Variants in ZNF761 observed in about 807,000 individuals in gnomAD.
ZNF761 encodes the protein zinc finger protein 761.
In ZNF761, 43 loss-of-function variants were observed where a neutral mutation model predicts 59.9. That is an observed-to-expected ratio of 0.72 (90% CI 0.56 to 0.92). ZNF761 has a LOEUF of 0.92. Ranked by LOEUF, ZNF761 falls within the 40% of genes least tolerant of loss-of-function variation. ZNF761 has a pLI of 0.00. For missense variants in ZNF761, 850 were observed against 906.1 expected (o/e 0.94, Z 0.79); for synonymous variants, 294 against 304.8 (o/e 0.96, Z 0.37).
Position 53,453,692 on chromosome 19 carries a change from G to C in ZNF761, c.143-958G>C, listed in dbSNP as rs117875768. Among the ~76,000 whole-genome samples the C allele has an allele frequency of 2.0e-3, 300 of 152,056 alleles. 2 individuals are homozygous for C. Among genetic ancestry groups the C allele is most frequent in the African/African-American group, 6.9e-3 (285 of 41,488 alleles). ...AAAGTACGAGGCTGGCCTGGCCAACGTGTTGAAACCCTATTTCTACTAAAA... is the reference window on the plus strand; with the variant it reads ...AAAGTACGAGGCTGGCCTGGCCAACCTGTTGAAACCCTATTTCTACTAAAA... On this transcript the variant is annotated intron_variant, in intron 4 of 4. Coordinates refer to ENST00000684525, the MANE Select transcript of ZNF761 (RefSeq NM_001289951.2).
chr19:53,455,982 A>G lies in ZNF761; in HGVS notation c.1475A>G (p.Lys492Arg), dbSNP rs2086265811. ...CATAGGAGAATTCATACTGGAGAGA[A>G]ACCATACAAGTGTAATGAGTGTGGC... ...ERHRRIHTGE[K>R]PYKCNECGKT... The change falls in exon 5 of 5, where the codon AAA becomes AGA. Residue 492 changes from lysine to arginine, a missense_variant. By Grantham distance (26) the Lys-to-Arg change is conservative (BLOSUM62 2). Coordinates refer to ENST00000684525, the MANE Select transcript of ZNF761 (RefSeq NM_001289951.2). The G allele has an allele frequency of 6.2e-7, 1 of 1,613,928 alleles. No homozygotes were observed.
intron 4 of ZNF761, among the ~76,000 whole-genome samples, chr19:53,453,711 A>G (rs1464372652): frequency 6.6e-6 from 1 of 151,990 alleles, no homozygotes; most frequent in Non-Finnish European, 1.5e-5. Flanking sequence ...CCCTATTTCT[A>G]CTAAAAATAC....
chr19:53,451,797 C>T (rs2147140273), intron 4 of ZNF761, among the ~76,000 whole-genome samples: 1 of 150,070 alleles, frequency 6.7e-6, no homozygotes, highest in Middle Eastern at 3.5e-3. Flanking sequence ...CCGTGTGAAC[C>T]AGGATGGTCT....
At chr19:53,440,357 G>T (rs141386349) in intron 1 of ZNF761, among the ~76,000 whole-genome samples, 38 of 152,190 alleles carry the variant, frequency 2.5e-4, no homozygotes, top group African/African-American at 7.2e-4. Context: ...GGGGACTTTG[G>T]GTTCAGATGA....
At chr19:53,450,985 T>G (rs2086216889) in intron 4 of ZNF761, among the ~76,000 whole-genome samples, 1 of 140,174 alleles carries the variant, frequency 7.1e-6, no homozygotes. Context: ...AGCACGAGAC[T>G]CTGTCTCAAA....
chr19:53,456,757 G>A lies in ZNF761; in HGVS notation c.*9G>A, dbSNP rs1255943999. Reference sequence around the variant, plus strand: ...GAGAAAAACAAGTGTAATGAATGTGGTGAGGTTTTTAATCAACAAGCACAC... The same window carrying A: ...GAGAAAAACAAGTGTAATGAATGTGATGAGGTTTTTAATCAACAAGCACAC... On this transcript the variant is annotated 3_prime_UTR_variant, in exon 5 of 5. Transcript: ENST00000684525. 5 of 1,612,876 alleles carry A rather than the reference G, an allele frequency of 3.1e-6. No homozygotes were observed. Among genetic ancestry groups the A allele is most frequent in the East Asian group, 2.2e-5 (1 of 44,868 alleles).
chr19:53,455,842 G>T lies in ZNF761; in HGVS notation c.1335G>T (p.Lys445Asn), dbSNP rs1419269100. Reference protein sequence around the residue: ...DNAYKCNECGKTFSRTSSLTC... With the variant: ...DNAYKCNECGNTFSRTSSLTC... ...CTTACAAGTGTAATGAGTGTGGAAA[G>T]ACCTTTAGCCGGACATCATCCCTTA... The change falls in exon 5 of 5, where the codon AAG becomes AAT. Residue 445 changes from lysine (K) to asparagine (N), a missense_variant. By Grantham distance (94) the Lys-to-Asn change is moderately conservative (BLOSUM62 0). Coordinates refer to ENST00000684525, the MANE Select transcript of ZNF761 (RefSeq NM_001289951.2). 1 of 1,613,806 alleles carries T rather than the reference G, an allele frequency of 6.2e-7. No individual in the cohort carries two copies. The highest frequency in any genetic ancestry group is 1.7e-5 in the Admixed American group (1 of 60,016).
chr19:53,433,596 C>G (rs2086001840), intron 1 of ZNF761, among the ~76,000 whole-genome samples: 1 of 152,112 alleles, frequency 6.6e-6, no homozygotes, highest in South Asian at 2.1e-4. Flanking sequence ...CCCTTAGATG[C>G]CTTTTATGAA....
Position 53,454,850 on chromosome 19 carries a change from A to G in ZNF761, c.343A>G (p.Lys115Glu), listed in dbSNP as rs141985937. ...AAATGGCCATGAAGCACCCATGACAAAAATCAAAAAGTTGACAGGTATTAC... is the reference window on the plus strand; with the variant it reads ...AAATGGCCATGAAGCACCCATGACAGAAATCAAAAAGTTGACAGGTATTAC... ...ERNGHEAPMT[K>E]IKKLTGITER... is the part of the protein sequence containing the mutation. The change falls in exon 5 of 5, where the codon AAA becomes GAA. Residue 115 changes from lysine (K) to glutamate (E), a missense_variant. By Grantham distance (56) the Lys-to-Glu change is moderately conservative. Transcript: ENST00000684525. The G allele has an allele frequency of 2.4e-4, 392 of 1,614,218 alleles. 1 individual carries two copies. The African/African-American group carries it at 4.2e-3, about 17-fold the overall frequency.
Position 53,456,928 on chromosome 19 carries a change from G to A in ZNF761, c.*180G>A. ...TTATAAATGTGAAGAATGTCACAAAGTTTACAGTCGCACATCAAACCGTGA... is the reference window on the plus strand; with the variant it reads ...TTATAAATGTGAAGAATGTCACAAAATTTACAGTCGCACATCAAACCGTGA... On this transcript the variant is annotated 3_prime_UTR_variant, in exon 5 of 5. Coordinates refer to ENST00000684525, the MANE Select transcript of ZNF761 (RefSeq NM_001289951.2). The A allele has an allele frequency of 1.3e-6, 1 of 787,992 alleles. No homozygotes were observed. Among genetic ancestry groups the A allele is most frequent in the Non-Finnish European group, 2.1e-6 (1 of 479,296 alleles). 48.8% of individuals were successfully genotyped at this position (787,992 alleles called of 1,614,324 possible).
At chr19:53,448,723 C>G (rs548275161) in intron 3 of ZNF761, among the ~76,000 whole-genome samples, 84 of 152,128 alleles carry the variant, frequency 5.5e-4, no homozygotes, top group African/African-American at 1.9e-3. Flanking sequence ...ATCCTCCTAC[C>G]TCAGGCTCCC....
intron 4 of ZNF761, 180 bp downstream of exon 4, chr19:53,449,818 T>C: frequency 7.2e-7 from 1 of 1,395,568 alleles, no homozygotes; most frequent in Non-Finnish European, 9.6e-7. Flanking sequence ...CCTCCCCCGG[T>C]AGCTGGTACA....
intron 1 of ZNF761, among the ~76,000 whole-genome samples, chr19:53,445,825 C>G (rs1407854537): frequency 6.6e-6 from 1 of 152,180 alleles, no homozygotes; most frequent in Non-Finnish European, 1.5e-5. Flanking sequence ...CAGTCCCTGG[C>G]AGGGAACCCT....
intron 1 of ZNF761, among the ~76,000 whole-genome samples, chr19:53,445,608 C>T (rs113276197): frequency 0.2 from 30,355 of 151,804 alleles, 3,448 homozygotes; most frequent in Non-Finnish European, 0.26. Flanking sequence ...CATGTCTTGG[C>T]GTGGCCTTTC....
intron 4 of ZNF761, among the ~76,000 whole-genome samples, chr19:53,450,646 C>T (rs1310933971): frequency 6.6e-6 from 1 of 152,046 alleles, no homozygotes; most frequent in Non-Finnish European, 1.5e-5. Flanking sequence ...ACTCTGTCGC[C>T]AAGGCTACAG....
intron 1 of ZNF761, chr19:53,443,937 G>A (rs1364971888): frequency 8.5e-5 from 13 of 152,872 alleles, no homozygotes; most frequent in Non-Finnish European, 1.5e-4. Flanking sequence ...AACGTACTGT[G>A]TTGATTCAAG....
chr19:53,445,398 C>T (rs2086145990), intron 1 of ZNF761: 2 of 152,144 alleles, frequency 1.3e-5, no homozygotes, highest in South Asian at 4.1e-4. Flanking sequence ...AAGACCAAGC[C>T]TTCCCATTAG....
chr19:53,435,821 A>G (rs2086036273), intron 1 of ZNF761, among the ~76,000 whole-genome samples: 1 of 152,084 alleles, frequency 6.6e-6, no homozygotes, highest in Non-Finnish European at 1.5e-5. Flanking sequence ...TGCCTGGCAG[A>G]GGAGGTTGAG....
intron 1 of ZNF761, among the ~76,000 whole-genome samples, chr19:53,445,478 T>C (rs879614566): frequency 4.3e-5 from 5 of 114,984 alleles, no homozygotes; most frequent in African/African-American, 1.4e-4. Context: ...CAGGGTAACT[T>C]GGTGAAAATT....
Sources: allele counts gnomAD v4.1 joint callset (sites outside exome capture counted in the v4.1 genomes callset), GRCh38; gene constraint gnomAD v4.1.1; transcripts MANE v1.5; gene names NCBI Gene and HGNC (gene_info 2026-07-23, HGNC 2026-07-21).